EDAR: variants seen among roughly 807,000 people sequenced by gnomAD.
EDAR encodes ectodysplasin A receptor.
Under a neutral mutation model 51.3 loss-of-function variants are expected in EDAR, and 38 were observed. The observed-to-expected ratio is 0.74, with a 90% CI of 0.57 to 0.97. EDAR has a LOEUF of 0.97. Among genes scored for constraint, EDAR ranks in the 50% least tolerant of loss-of-function variants. The probability of loss-of-function intolerance (pLI) is 0.00; values close to 1 mark genes in which losing one functional copy is unlikely to be tolerated. For missense variants in EDAR, 528 were observed against 595.0 expected, an observed-to-expected ratio of 0.89 and a Z score of 1.17; for synonymous variants, 227 against 242.1, an observed-to-expected ratio of 0.94 and a Z score of 0.58.
chr2:108,937,092 A>G (rs1241921189), intron 1 of EDAR, among the ~76,000 whole-genome samples: 1 of 152,230 alleles, frequency 6.6e-6, no homozygotes, highest in Non-Finnish European at 1.5e-5. Context: ...GTCCTTCCCA[A>G]GGCTGGAGTG....
intron 11 of EDAR, among the ~76,000 whole-genome samples, chr2:108,898,020 C>T (rs917323638): frequency 6.6e-6 from 1 of 152,280 alleles, no homozygotes; most frequent in South Asian, 2.1e-4. Context: ...GAAATAATAG[C>T]AACCACAGAC....
intron 1 of EDAR, among the ~76,000 whole-genome samples, chr2:108,933,549 AG>A (rs1241150635): frequency 3.9e-5 from 6 of 152,188 alleles, no homozygotes; most frequent in Non-Finnish European, 5.9e-5. Flanking sequence ...GGAGACCTCC[AG>A]GTGGCTTTGG....
chr2:108,982,557 A>C (rs1698437233), intron 1 of EDAR, among the ~76,000 whole-genome samples: 1 of 152,270 alleles, frequency 6.6e-6, no homozygotes, highest in Non-Finnish European at 1.5e-5. Context: ...TTCAAAAGCA[A>C]CAACTGTGAT....
chr2:108,975,792 A>G (rs75323097), intron 1 of EDAR, among the ~76,000 whole-genome samples: 2,637 of 152,260 alleles, frequency 0.017, 43 homozygotes, highest in Middle Eastern at 0.034. Flanking sequence ...GTGCGGCATC[A>G]GGATGTCTTG....
chr2:108,912,259 T>C (rs187344889), intron 6 of EDAR, among the ~76,000 whole-genome samples: 1 of 152,188 alleles, frequency 6.6e-6, no homozygotes, highest in African/African-American at 2.4e-5. Context: ...CTTCCCTGGT[T>C]AGGGAGAATG....
At chr2:108,962,492 TG>T (rs1189255367) in intron 1 of EDAR, among the ~76,000 whole-genome samples, 3 of 151,686 alleles carry the variant, frequency 2.0e-5, no homozygotes, top group Non-Finnish European at 4.4e-5. Context: ...GCGAACACAG[TG>T]AAACCCTGTC....
At chr2:108,964,022 G>A (rs1698103148) in intron 1 of EDAR, among the ~76,000 whole-genome samples, 1 of 152,154 alleles carries the variant, frequency 6.6e-6, no homozygotes, top group Admixed American at 6.5e-5. Flanking sequence ...TGGCCTCTGT[G>A]GCTGCTGAGC....
intron 1 of EDAR, among the ~76,000 whole-genome samples, chr2:108,947,307 G>T (rs752123887): frequency 6.6e-6 from 1 of 152,168 alleles, no homozygotes; most frequent in Non-Finnish European, 1.5e-5. Context: ...GCTTTCATGG[G>T]CTGGTGTTGA....
chr2:108,950,669 G>A (rs1198150495), intron 1 of EDAR, among the ~76,000 whole-genome samples: 1 of 152,190 alleles, frequency 6.6e-6, no homozygotes, highest in African/African-American at 2.4e-5. Flanking sequence ...CTCTGTTGGA[G>A]CTGCCCTCAG....
intron 4 of EDAR, among the ~76,000 whole-genome samples, chr2:108,925,191 C>T (rs572440415): frequency 1.3e-5 from 2 of 151,892 alleles, no homozygotes; most frequent in African/African-American, 4.8e-5. Context: ...GTTCACGTCT[C>T]TATTCCTTGG....
intron 1 of EDAR, among the ~76,000 whole-genome samples, chr2:108,950,473 T>A (rs1373594093): frequency 1.3e-5 from 2 of 152,160 alleles, no homozygotes; most frequent in African/African-American, 4.8e-5. Flanking sequence ...TAAGGGCCGA[T>A]GGTGTTTAAC....
chr2:108,963,276 A>C (rs746507801), intron 1 of EDAR, among the ~76,000 whole-genome samples: 1 of 152,222 alleles, frequency 6.6e-6, no homozygotes, highest in African/African-American at 2.4e-5. Flanking sequence ...ATGATCACGC[A>C]CTACACACTG....
chr2:108,906,172 G>T, intron 11 of EDAR, 136 bp downstream of exon 11: 3 of 835,974 alleles, frequency 3.6e-6, no homozygotes, highest in South Asian at 2.8e-5. Context: ...GTTTCCAGCG[G>T]CCATTCTGAC....
rs1046204185 is a variant in EDAR, at chr2:108,894,795, T to C, written c.*2112A>G. 6.6e-6 allele frequency: 1 copy of C among 152,182 alleles called. No individual in the cohort carries two copies. The highest frequency in any genetic ancestry group is 1.5e-5 in the Non-Finnish European group (1 of 68,046). The allele number at this position is 152,182 out of a possible 1,614,324, so 9.4% of individuals were successfully genotyped here. ...AATTTGTAACTATATAAGGAATAGC[T>C]CCCTAAAAATGGCAGGTGGAGAGCC... On this transcript the variant is annotated 3_prime_UTR_variant, in exon 12 of 12. Coordinates refer to ENST00000258443, the MANE Select transcript of EDAR (RefSeq NM_022336.4).
chr2:108,970,151 G>A (rs905114536), intron 1 of EDAR, among the ~76,000 whole-genome samples: 2 of 152,104 alleles, frequency 1.3e-5, no homozygotes, highest in Non-Finnish European at 2.9e-5. Context: ...GCACTGAGAG[G>A]GGAGCATCGC....
intron 4 of EDAR, among the ~76,000 whole-genome samples, chr2:108,928,571 TGATGTGTTGTG>T (rs1697301832): frequency 6.6e-6 from 1 of 152,148 alleles, no homozygotes; most frequent in African/African-American, 2.4e-5. Flanking sequence ...TTGCAAAGCA[TGATGTGTTGTG>T]GCCACTAGGG....
chr2:108,952,929 C>A (rs1241679894), intron 1 of EDAR, among the ~76,000 whole-genome samples: 1 of 152,172 alleles, frequency 6.6e-6, no homozygotes, highest in Non-Finnish European at 1.5e-5. Context: ...TATGTTTCTG[C>A]TTTTAGTTCC....
At chr2:108,979,444 C>CTCTG (rs796471706) in intron 1 of EDAR, among the ~76,000 whole-genome samples, 2 of 71,144 alleles carry the variant, frequency 2.8e-5, no homozygotes, top group Middle Eastern at 0.012. Flanking sequence ...CTTTCTCTCT[C>CTCTG]TCTGTCTCTG....
intron 1 of EDAR, among the ~76,000 whole-genome samples, chr2:108,962,378 A>G (rs1698064316): frequency 6.6e-6 from 1 of 152,180 alleles, no homozygotes; most frequent in South Asian, 2.1e-4. Flanking sequence ...AAGTGATGAA[A>G]AAGGAACACA....
Sources: allele counts gnomAD v4.1 joint callset (sites outside exome capture counted in the v4.1 genomes callset), GRCh38; gene constraint gnomAD v4.1.1; transcripts MANE v1.5; gene names NCBI Gene and HGNC (gene_info 2026-07-23, HGNC 2026-07-21).